The following STRN3 variants were observed in gnomAD, a reference collection of about 807,000 sequenced individuals.
STRN3 encodes striatin-3.
In STRN3, 29 loss-of-function variants were observed where a neutral mutation model predicts 95.6. The observed-to-expected ratio is 0.30, with a 90% confidence interval of 0.23 to 0.41. The LOEUF (loss-of-function observed/expected upper bound fraction) is 0.41, where lower values mean the gene tolerates loss of function less well. STRN3 is among the 10% of genes least tolerant of loss of function. The probability of loss-of-function intolerance (pLI) is 1.00; values close to 1 mark genes in which losing one functional copy is unlikely to be tolerated. For synonymous variants in STRN3, 331 were observed against 357.6 expected, an observed-to-expected ratio of 0.93 and a Z score of 0.84; for missense variants, 890 against 972.1, an observed-to-expected ratio of 0.92 and a Z score of 1.12.
Position 31,026,335 on chromosome 14 carries a change from A to C in STRN3, c.-150T>G. On this transcript the variant is annotated 5_prime_UTR_variant, in exon 1 of 18. Coordinates refer to ENST00000357479, the MANE Select transcript of STRN3 (RefSeq NM_001083893.2). ...TTGCTGTGTGCCTGCCGTGGGTCAG[A>C]GCAGGGAGCTGCCGGCTGCCGCCAT... The C allele has an allele frequency of 1.4e-6, 1 of 725,678 alleles. No homozygotes were observed. Among genetic ancestry groups the C allele is most frequent in the Non-Finnish European group, 1.9e-6 (1 of 517,584 alleles). The allele number at this position is 725,678 out of a possible 1,614,324, so 45.0% of individuals were successfully genotyped here. A position where few individuals can be genotyped will look rare whatever the true frequency, so the allele number is the denominator to read the frequency against.
intron 1 of STRN3, among the ~76,000 whole-genome samples, chr14:31,015,050 A>G (rs1883176246): frequency 2.0e-5 from 3 of 152,132 alleles, no homozygotes; most frequent in African/African-American, 7.2e-5. Context: ...ACTGGTCTCA[A>G]ACTCCTGACC....
chr14:31,006,409 A>G (rs551196622), intron 1 of STRN3, among the ~76,000 whole-genome samples: 1 of 151,940 alleles, frequency 6.6e-6, no homozygotes, highest in Non-Finnish European at 1.5e-5. Flanking sequence ...AAAATTTAAA[A>G]AGTAGCCCAG....
At chr14:30,931,061 T>C (rs1009257271) in intron 7 of STRN3, among the ~76,000 whole-genome samples, 81 of 152,154 alleles carry the variant, frequency 5.3e-4, no homozygotes, top group African/African-American at 1.8e-3. Flanking sequence ...CTAACTATAG[T>C]TGACAAAGAA....
chr14:30,904,390 T>C (rs941651121), intron 15 of STRN3, among the ~76,000 whole-genome samples: 2 of 152,082 alleles, frequency 1.3e-5, no homozygotes, highest in South Asian at 2.1e-4. Context: ...ATCAAATACA[T>C]TTATATCCAT....
intron 1 of STRN3, among the ~76,000 whole-genome samples, chr14:30,974,086 T>C (rs990264797): frequency 1.3e-5 from 2 of 152,122 alleles, no homozygotes; most frequent in East Asian, 1.9e-4. Flanking sequence ...CTATTCAATA[T>C]AGTACTAGAA....
chr14:31,022,078 C>T (rs1883531696), intron 1 of STRN3, among the ~76,000 whole-genome samples: 1 of 152,080 alleles, frequency 6.6e-6, no homozygotes, highest in South Asian at 2.1e-4. Flanking sequence ...AAGGGAACAC[C>T]TTTATGAAAA....
intron 1 of STRN3, among the ~76,000 whole-genome samples, chr14:30,985,039 G>A (rs557600259): frequency 5.3e-5 from 8 of 151,870 alleles, no homozygotes; most frequent in African/African-American, 7.2e-5. Flanking sequence ...TATCTTGGCC[G>A]GACGCGGTGG....
Position 31,025,929 on chromosome 14 carries a change from C to A in STRN3, c.257G>T (p.Trp86Leu). 1 of 1,601,328 alleles carries A rather than the reference C, an allele frequency of 6.2e-7. No homozygotes were observed. Among genetic ancestry groups the A allele is most frequent in the East Asian group, 2.3e-5 (1 of 43,832 alleles). ...WARFEMERAH[W>L]EVERAELQAR... The stretch of plus-strand genomic sequence containing the variant: ...CTGCAGTTCGGCCCGTTCCACCTCC[C>A]AGTGCGCCCGCTCCATCTCGAACCG... The change falls in exon 1 of 18, where the codon TGG becomes TTG. Residue 86 changes from tryptophan (W) to leucine (L), a missense_variant. Physicochemically the swap from Trp to Leu is moderately conservative, Grantham distance 61. Coordinates refer to ENST00000357479, the MANE Select transcript of STRN3 (RefSeq NM_001083893.2).
At chr14:30,984,666 T>C (rs1364333944) in intron 1 of STRN3, among the ~76,000 whole-genome samples, 1 of 151,742 alleles carries the variant, frequency 6.6e-6, no homozygotes, top group East Asian at 2.0e-4. Context: ...TAGTCCCAGC[T>C]ACTCAGGAGG....
At chr14:30,962,136 T>C (rs114577043) in intron 1 of STRN3, among the ~76,000 whole-genome samples, 1,746 of 152,288 alleles carry the variant, frequency 0.011, 40 homozygotes, top group African/African-American at 0.04. Flanking sequence ...CATAGGTTAA[T>C]ATGTGTGTTT....
At chr14:30,950,741 A>G in intron 4 of STRN3, 122 bp downstream of exon 4, 9 of 888,186 alleles carry the variant, frequency 1.0e-5, no homozygotes, top group Non-Finnish European at 1.4e-5. Context: ...CACAGCAAAA[A>G]AAGCAGCAAT....
At position 30,894,312 on chromosome 14, in the gene STRN3, G is replaced by A. The variant is rs936958257; in HGVS notation, c.*1099C>T. ...TATATATCTTAGGGGGAACCACCTT[G>A]GTTTGTAATTTAAACTATAAAATAC... On this transcript the variant is annotated 3_prime_UTR_variant, in exon 18 of 18. Coordinates refer to ENST00000357479, the MANE Select transcript of STRN3 (RefSeq NM_001083893.2). 2.6e-5 allele frequency: 4 copies of A among 152,312 alleles called. No individual in the cohort carries two copies. Among genetic ancestry groups the A allele is most frequent in the South Asian group, 4.1e-4 (2 of 4,828 alleles). 9.4% of individuals were successfully genotyped at this position (152,312 alleles called of 1,614,324 possible). A position where few individuals can be genotyped will look rare whatever the true frequency, so the allele number is the denominator to read the frequency against.
At position 31,026,160 on chromosome 14, in the gene STRN3, C is replaced by T; in HGVS notation, c.26G>A (p.Gly9Asp). MDELAGGG[G>D]GGPGMAAPPR... ...AGGGGCCGCCATCCCCGGGCCGCCA[C>T]CACCGCCTCCGGCAAGCTCGTCCAT... The change falls in exon 1 of 18, where the codon GGT becomes GAT. Residue 9 changes from glycine (G) to aspartate (D), a missense_variant. Physicochemically the swap from Gly to Asp is moderately conservative, Grantham distance 94 (BLOSUM62 -1). Around this residue, in one of 3 missense-constraint regions of STRN3, gnomAD observed 526 missense variants for 526.3 expected, o/e 1.00. Coordinates refer to ENST00000357479, the MANE Select transcript of STRN3 (RefSeq NM_001083893.2). 2.0e-6 allele frequency: 3 copies of T among 1,486,488 alleles called. No individual in the cohort carries two copies. Among genetic ancestry groups the T allele is most frequent in the Non-Finnish European group, 1.8e-6 (2 of 1,125,668 alleles). 92.1% of individuals were successfully genotyped at this position (1,486,488 alleles called of 1,614,324 possible).
At chr14:31,016,685 C>T (rs1002533874) in intron 1 of STRN3, among the ~76,000 whole-genome samples, 5 of 152,130 alleles carry the variant, frequency 3.3e-5, no homozygotes, top group African/African-American at 1.2e-4. Flanking sequence ...GCTGGGATTA[C>T]AGGCACGTGC....
At chr14:30,910,731 TTTC>T (rs1306176917) in intron 13 of STRN3, among the ~76,000 whole-genome samples, 3 of 152,118 alleles carry the variant, frequency 2.0e-5, no homozygotes, top group Non-Finnish European at 2.9e-5. Flanking sequence ...ATATAAACTA[TTTC>T]TTAAGTTCAA....
At chr14:30,915,050 G>A (rs1896702701) in intron 9 of STRN3, among the ~76,000 whole-genome samples, 1 of 152,036 alleles carries the variant, frequency 6.6e-6, no homozygotes, top group African/African-American at 2.4e-5. Flanking sequence ...TAACAAGGGA[G>A]AAATACTCAA....
intron 16 of STRN3, among the ~76,000 whole-genome samples, chr14:30,900,233 C>A (rs1566424329): frequency 6.6e-6 from 1 of 151,548 alleles, no homozygotes; most frequent in Non-Finnish European, 1.5e-5. Context: ...GTAGCAGACG[C>A]CTATAATCCC....
intron 16 of STRN3, among the ~76,000 whole-genome samples, chr14:30,897,074 C>T (rs767487510): frequency 2.0e-5 from 3 of 152,136 alleles, no homozygotes; most frequent in Non-Finnish European, 2.9e-5. Context: ...GTCTTTATTA[C>T]TCAAATGCCT....
At chr14:30,952,273 G>A (rs1346322026) in intron 3 of STRN3, among the ~76,000 whole-genome samples, 1 of 152,172 alleles carries the variant, frequency 6.6e-6, no homozygotes, top group African/African-American at 2.4e-5. Flanking sequence ...GTGAAGAAGA[G>A]AGGGACTTAG....
Sources: allele counts gnomAD v4.1 joint callset (sites outside exome capture counted in the v4.1 genomes callset), GRCh38; gene constraint gnomAD v4.1.1; regional missense constraint gnomAD v4.1.1; transcripts MANE v1.5; gene names NCBI Gene and HGNC (gene_info 2026-07-23, HGNC 2026-07-21).